CTIF: variants seen among roughly 807,000 people sequenced by gnomAD.
CTIF encodes the protein cap binding complex dependent translation initiation factor.
In CTIF, 21 loss-of-function variants were observed where a neutral mutation model predicts 66.0. The ratio of observed to expected loss-of-function variants is 0.32; its 90% CI spans 0.23 to 0.46. CTIF has a LOEUF of 0.46. Ranked by LOEUF, CTIF falls within the 20% of genes least tolerant of loss-of-function variation. CTIF has a pLI of 1.00. For synonymous variants in CTIF, 345 were observed against 326.4 expected (o/e 1.06, Z -0.62); for missense variants, 739 against 812.7 (o/e 0.91, Z 1.10).
chr18:48,721,380 C>T (rs917609497), intron 7 of CTIF, among the ~76,000 whole-genome samples: 4 of 152,204 alleles, frequency 2.6e-5, no homozygotes, highest in Non-Finnish European at 4.4e-5. Context: ...GGTTTCATTC[C>T]TCCTCAGAGG....
At chr18:48,603,014 T>A (rs533131826) in intron 1 of CTIF, among the ~76,000 whole-genome samples, 3 of 150,422 alleles carry the variant, frequency 2.0e-5, no homozygotes, top group Admixed American at 6.6e-5. Flanking sequence ...AATGGGTAGA[T>A]GAATAGATGG....
intron 9 of CTIF, among the ~76,000 whole-genome samples, chr18:48,795,534 C>T (rs1439356569): frequency 2.0e-5 from 3 of 152,152 alleles, no homozygotes; most frequent in Non-Finnish European, 2.9e-5. Flanking sequence ...GGAAAAAAGT[C>T]ACTTCTTAGT....
At chr18:48,785,220 A>G (rs575164148) in intron 9 of CTIF, among the ~76,000 whole-genome samples, 2 of 152,122 alleles carry the variant, frequency 1.3e-5, no homozygotes, top group African/African-American at 4.8e-5. Context: ...AAAAGCTCAC[A>G]GAAAGGCAGA....
At chr18:48,798,932 A>G (rs1160300941) in intron 9 of CTIF, among the ~76,000 whole-genome samples, 1 of 152,154 alleles carries the variant, frequency 6.6e-6, no homozygotes, top group African/African-American at 2.4e-5. Flanking sequence ...CAATGAGCCG[A>G]CCGAAAATGT....
At chr18:48,691,423 C>A (rs941786119) in intron 6 of CTIF, among the ~76,000 whole-genome samples, 7 of 151,546 alleles carry the variant, frequency 4.6e-5, no homozygotes, top group African/African-American at 2.4e-5. Flanking sequence ...TTGTAGGGGT[C>A]GTTACCAAAA....
intron 7 of CTIF, among the ~76,000 whole-genome samples, chr18:48,714,578 A>AT: frequency 6.6e-6 from 1 of 152,264 alleles, no homozygotes; most frequent in African/African-American, 2.4e-5. Context: ...TGGAGCAGGG[A>AT]TTTTCAGACT....
chr18:48,628,387 A>G (rs894105959), intron 2 of CTIF, among the ~76,000 whole-genome samples: 2 of 152,116 alleles, frequency 1.3e-5, no homozygotes, highest in Non-Finnish European at 2.9e-5. Context: ...GAAGTTGGGG[A>G]GATGAGGAGG....
At chr18:48,704,303 C>T in intron 6 of CTIF, among the ~76,000 whole-genome samples, 1 of 150,290 alleles carries the variant, frequency 6.7e-6, no homozygotes, top group East Asian at 1.9e-4. Flanking sequence ...CCTTCTCTTC[C>T]TCTTCCATAA....
chr18:48,727,502 C>T (rs1025029586), intron 7 of CTIF, among the ~76,000 whole-genome samples: 2 of 152,144 alleles, frequency 1.3e-5, no homozygotes, highest in African/African-American at 4.8e-5. Context: ...TGTACTGTGT[C>T]TCTCCCTTCC....
At chr18:48,803,031 C>G (rs2146234063) in intron 9 of CTIF, among the ~76,000 whole-genome samples, 1 of 152,388 alleles carries the variant, frequency 6.6e-6, no homozygotes, top group Middle Eastern at 3.4e-3. Flanking sequence ...AGACAGAATT[C>G]CTGCTGGATC....
chr18:48,683,628 C>T (rs539000709), intron 6 of CTIF, among the ~76,000 whole-genome samples: 4 of 152,086 alleles, frequency 2.6e-5, no homozygotes, highest in Non-Finnish European at 5.9e-5. Context: ...CACCCCACCC[C>T]CAAAGGGTTC....
intron 1 of CTIF, among the ~76,000 whole-genome samples, chr18:48,606,648 G>T (rs988919896): frequency 6.6e-6 from 1 of 152,208 alleles, no homozygotes; most frequent in Non-Finnish European, 1.5e-5. Flanking sequence ...CAGGAGGGAC[G>T]ACAGGGTCTA....
chr18:48,761,740 C>G lies in CTIF; in HGVS notation c.1371+51C>G, dbSNP rs185182795. 1.3e-6 allele frequency: 2 copies of G among 1,542,348 alleles called. No individual in the cohort carries two copies. The highest frequency in any genetic ancestry group is 1.4e-5 in the African/African-American group (1 of 73,430). ...CCCGCGCCCCCTGCCCCTCTGCGTT[C>G]GGTGAGTTATTCCTAGCGAGAAGGC... On this transcript the variant is annotated intron_variant, in intron 9 of 11. Transcript: ENST00000256413. The surrounding 1 kb of genome is among the most constrained non-coding windows in gnomAD (Gnocchi z 4.2).
intron 1 of CTIF, among the ~76,000 whole-genome samples, chr18:48,551,197 T>C (rs575655653): frequency 2.0e-5 from 3 of 151,414 alleles, no homozygotes; most frequent in South Asian, 4.2e-4. Flanking sequence ...AGTGTGAGGA[T>C]GCAACGAGAA....
At chr18:48,559,022 C>A (rs1045003837) in intron 1 of CTIF, among the ~76,000 whole-genome samples, 10 of 152,168 alleles carry the variant, frequency 6.6e-5, no homozygotes, top group African/African-American at 2.4e-4. Context: ...CTGGACTCAG[C>A]ATTTTTAGAC....
At chr18:48,783,992 T>TCTAGTGGGGATGGCCTTTTCCACA (rs1911483806) in intron 9 of CTIF, among the ~76,000 whole-genome samples, 1 of 152,182 alleles carries the variant, frequency 6.6e-6, no homozygotes, top group Non-Finnish European at 1.5e-5. Flanking sequence ...CCATGTGCAC[T>TCTAGTGGGGATGGCCTTTTCCACA]CTAGTGGGGA....
intron 3 of CTIF, among the ~76,000 whole-genome samples, chr18:48,642,809 C>G (rs1233682930): frequency 6.6e-6 from 1 of 152,188 alleles, no homozygotes; most frequent in Non-Finnish European, 1.5e-5. Context: ...CAGGGCACAG[C>G]TTGGTGGGGC....
intron 9 of CTIF, among the ~76,000 whole-genome samples, chr18:48,779,586 A>G (rs7234226): frequency 0.25 from 37,445 of 152,218 alleles, 4,886 homozygotes; most frequent in African/African-American, 0.28. Context: ...CCCACAGGCC[A>G]GGCCTTGGGC....
intron 9 of CTIF, among the ~76,000 whole-genome samples, chr18:48,816,174 CAGAG>C (rs1050434221): frequency 1.3e-5 from 2 of 152,106 alleles, no homozygotes; most frequent in Non-Finnish European, 2.9e-5. Flanking sequence ...CAGGCTAGCC[CAGAG>C]AGAGTCTTCT....
Sources: gnomAD v4.1 joint callset for allele counts (sites outside exome capture counted in the v4.1 genomes callset) on GRCh38, gnomAD v4.1.1 for gene constraint, Gnocchi (gnomAD v3.1) non-coding constraint, MANE v1.5 for transcripts, NCBI Gene and HGNC (gene_info 2026-07-23, HGNC 2026-07-21) for gene names.